RARB: variants seen among roughly 807,000 people sequenced by gnomAD.
The protein encoded by RARB is HBV-activated protein.
In RARB, 17 loss-of-function variants were observed where a neutral mutation model predicts 51.9. The observed-to-expected ratio is 0.33, with a 90% CI of 0.22 to 0.49. The LOEUF is 0.49. Among genes scored for constraint, RARB ranks in the 20% least tolerant of loss-of-function variants. The pLI is 0.99. For synonymous variants in RARB, 215 were observed against 195.4 expected, an observed-to-expected ratio of 1.10 and a Z score of -0.84; for missense variants, 369 against 550.8, an observed-to-expected ratio of 0.67 and a Z score of 3.30.
rs922708219 is a variant in RARB at position 25,261,485 on chromosome 3, T to G, written c.178+86910T>G. 6.6e-5 allele frequency among the ~76,000 whole-genome samples: 10 copies of G among 152,198 alleles called. 1 individual carries two copies. The highest frequency in any genetic ancestry group is 2.6e-4 in the Admixed American group (4 of 15,268). On this transcript the variant is annotated intron_variant, in intron 5 of 11. Coordinates refer to the RARB transcript ENST00000383772. The stretch of plus-strand genomic sequence containing the variant: ...GCCTATCACTCTTCTCATTCTGGAG[T>G]GATATAATTCAGTCTATCAAATAGT...
intron 5 of RARB, among the ~76,000 whole-genome samples, chr3:25,187,143 T>A (rs888649487): frequency 6.6e-6 from 1 of 152,072 alleles, no homozygotes; most frequent in Non-Finnish European, 1.5e-5. Context: ...GAGGGTCTTA[T>A]GACCTGCAGG....
rs761412606 is a variant in RARB, at chr3:25,569,798, G to T, written c.489G>T (p.Ser163=). The change falls in exon 4 of 8, where the codon TCG becomes TCT. Residue 163 remains serine (S), a synonymous_variant. Coordinates refer to ENST00000330688, the MANE Select transcript of RARB (RefSeq NM_000965.5). ...GGAACAAGAAAAAGAAGGAGACTTC[G>T]AAGCAAGAATGCACAGAGAGCTATG... is the stretch of plus-strand genomic sequence containing the variant. ...NDRNKKKKET[S]KQECTESYEM... 2 of 1,614,188 alleles carry T rather than the reference G, an allele frequency of 1.2e-6. No homozygotes were observed. Among genetic ancestry groups the T allele is most frequent in the Admixed American group, 1.7e-5 (1 of 60,026 alleles).
At chr3:25,264,357 A>G (rs1703076685) in intron 5 of RARB, among the ~76,000 whole-genome samples, 2 of 150,130 alleles carry the variant, frequency 1.3e-5, no homozygotes, top group Admixed American at 1.3e-4. Context: ...GATGGGCAAG[A>G]TCTACTATTT....
At chr3:25,186,190 G>C (rs187916082) in intron 5 of RARB, among the ~76,000 whole-genome samples, 38 of 152,110 alleles carry the variant, frequency 2.5e-4, no homozygotes, top group African/African-American at 8.4e-4. Flanking sequence ...AAGAAATTCA[G>C]ATATCCCATA....
At chr3:25,451,198 T>C (rs1413262827) in intron 1 of RARB, among the ~76,000 whole-genome samples, 1 of 152,198 alleles carries the variant, frequency 6.6e-6, no homozygotes. Flanking sequence ...TGGCTATCAT[T>C]TATTGAGCAC....
Position 25,039,121 on chromosome 3 carries a change from G to C in RARB, c.-379-21004G>C, listed in dbSNP as rs1038608786. Reference sequence around the variant, plus strand: ...TCTTTCCACTTGTCTGTACAGGCTTGACAAAAATACATCAAAATAAAGCTG... The same window carrying C: ...TCTTTCCACTTGTCTGTACAGGCTTCACAAAAATACATCAAAATAAAGCTG... On this transcript the variant is annotated intron_variant, in intron 2 of 11. Coordinates refer to the RARB transcript ENST00000383772. 7.9e-5 allele frequency among the ~76,000 whole-genome samples: 12 copies of C among 152,132 alleles called. 1 individual carries two copies. Among genetic ancestry groups the C allele is most frequent in the Non-Finnish European group, 1.2e-4 (8 of 68,022 alleles).
chr3:24,889,842 A>G (rs1703343115), intron 2 of RARB, among the ~76,000 whole-genome samples: 1 of 151,498 alleles, frequency 6.6e-6, no homozygotes, highest in South Asian at 2.1e-4. Flanking sequence ...TTTCATATTT[A>G]TTAAGAGCTG....
chr3:24,907,953 G>A (rs1694901781), intron 2 of RARB, among the ~76,000 whole-genome samples: 1 of 152,070 alleles, frequency 6.6e-6, no homozygotes, highest in African/African-American at 2.4e-5. Context: ...CTTTGGAAAT[G>A]TTCCCCCTGC....
intron 3 of RARB, among the ~76,000 whole-genome samples, chr3:25,544,904 T>C (rs768516268): frequency 2.2e-4 from 34 of 152,168 alleles, no homozygotes; most frequent in Non-Finnish European, 4.4e-4. Flanking sequence ...TTTCAAGAAA[T>C]AGGATGTAAG....
intron 2 of RARB, among the ~76,000 whole-genome samples, chr3:24,931,946 T>A (rs1159308250): frequency 2.0e-5 from 3 of 152,108 alleles, no homozygotes; most frequent in African/African-American, 7.2e-5. Flanking sequence ...GTTTCCAGAC[T>A]TATGTTTCTA....
At chr3:25,115,845 G>A (rs913702625) in intron 3 of RARB, among the ~76,000 whole-genome samples, 2 of 151,984 alleles carry the variant, frequency 1.3e-5, no homozygotes, top group African/African-American at 4.8e-5. Context: ...TGCCGAGGCT[G>A]ATCTCGAACT....
intron 3 of RARB, among the ~76,000 whole-genome samples, chr3:25,088,866 A>G (rs943619878): frequency 6.6e-6 from 1 of 152,108 alleles, no homozygotes; most frequent in Non-Finnish European, 1.5e-5. Context: ...TTTAAATGGC[A>G]CAAGTCTCTT....
At chr3:25,456,672 T>TAGAGAG (rs1236590712) in intron 1 of RARB, among the ~76,000 whole-genome samples, 2 of 111,948 alleles carry the variant, frequency 1.8e-5, no homozygotes, top group Admixed American at 1.9e-4. Flanking sequence ...TATATATATA[T>TAGAGAG]ATATATATAT....
intron 3 of RARB, among the ~76,000 whole-genome samples, chr3:25,130,002 C>T (rs147147936): frequency 1.0e-3 from 155 of 152,110 alleles, no homozygotes; most frequent in Admixed American, 3.6e-3. Flanking sequence ...GAAAACTCAG[C>T]GTGGAGTATC....
chr3:25,261,684 C>T (rs76781735), intron 5 of RARB, among the ~76,000 whole-genome samples: 27 of 152,242 alleles, frequency 1.8e-4, no homozygotes, highest in Non-Finnish European at 2.4e-4. Flanking sequence ...AGTTATCTTT[C>T]GCCTAAATGA....
In RARB at chr3:25,365,199, C is replaced by CTTTTT. The variant is rs3035063; in HGVS notation, c.179-95971_179-95967dup. 1.2e-3 allele frequency among the ~76,000 whole-genome samples: 94 copies of CTTTTT among 75,446 alleles called. 1 individual carries two copies. The highest frequency in any genetic ancestry group is 1.9e-3 in the Non-Finnish European group (76 of 40,154). The allele number at this position is 75,446 out of a possible 152,430, so 49.5% of individuals were successfully genotyped here. On this transcript the variant is annotated intron_variant, in intron 5 of 11. Transcript: ENST00000383772. ...TAAGCCAACCATGTTTTCTTTCTTT[C>CTTTTT]TTTTTTTTTTTTTTTTTTTTTTTTT...
chr3:24,925,249 T>C (rs1329453484), intron 2 of RARB, among the ~76,000 whole-genome samples: 1 of 152,098 alleles, frequency 6.6e-6, no homozygotes, highest in African/African-American at 2.4e-5. Context: ...TGCAAAATAC[T>C]AGTTATCACA....
In RARB at chr3:25,408,983, G is replaced by A. The variant is rs113380517; in HGVS notation, c.179-52210G>A. On this transcript the variant is annotated intron_variant, in intron 5 of 11. Transcript: ENST00000383772. ...CAGGAGGAGGAGGTTGCAGTGAGCC[G>A]AGATTGCGCCACTGCACTCCAGCCT... 5.3e-3 allele frequency among the ~76,000 whole-genome samples: 804 copies of A among 152,244 alleles called. 7 individuals are homozygous for A. Among genetic ancestry groups the A allele is most frequent in the African/African-American group, 0.018 (758 of 41,542 alleles).
At chr3:24,861,049 T>C (rs1448680991) in intron 2 of RARB, among the ~76,000 whole-genome samples, 1 of 152,206 alleles carries the variant, frequency 6.6e-6, no homozygotes, top group Admixed American at 6.5e-5. Context: ...GACTGTCTTA[T>C]ATTTGGCAAA....
Sources: gnomAD v4.1 joint callset for allele counts (sites outside exome capture counted in the v4.1 genomes callset) on GRCh38, gnomAD v4.1.1 for gene constraint, MANE v1.5 for transcripts, NCBI Gene and HGNC (gene_info 2026-07-23, HGNC 2026-07-21) for gene names.